GLUD1: variants seen among roughly 807,000 people sequenced by gnomAD.
GLUD1 encodes glutamate dehydrogenase 1, mitochondrial.
GLUD1 carries 22 observed loss-of-function variants against 56.0 expected under a neutral mutation model. The observed-to-expected ratio is 0.39, with a 90% confidence interval of 0.28 to 0.56. GLUD1 has a LOEUF of 0.56. GLUD1 is among the 20% of genes least tolerant of loss of function. GLUD1 has a pLI of 0.58. For missense variants in GLUD1, 451 were observed against 732.0 expected (o/e 0.62, Z 4.43); for synonymous variants, 223 against 269.9 (o/e 0.83, Z 1.70).
At chr10:87,064,856 G>A (rs1846031936) in intron 5 of GLUD1, among the ~76,000 whole-genome samples, 1 of 152,164 alleles carries the variant, frequency 6.6e-6, no homozygotes, top group Admixed American at 6.5e-5. Context: ...GTCAGGCCTG[G>A]CGCCAACTGC....
intron 11 of GLUD1, 74 bp from the exon 12 acceptor site, chr10:87,053,478 G>A (rs1845692074): frequency 3.1e-6 from 3 of 958,894 alleles, no homozygotes; most frequent in East Asian, 2.4e-5. Context: ...GATGACAAAG[G>A]ATTCTCAAGT....
intron 1 of GLUD1, among the ~76,000 whole-genome samples, chr10:87,091,004 A>G (rs1841498355): frequency 6.6e-6 from 1 of 152,152 alleles, no homozygotes; most frequent in Non-Finnish European, 1.5e-5. Context: ...CCCTTGCATT[A>G]TGTCATCAAG....
chr10:87,075,529 C>T (rs1026848437), intron 3 of GLUD1, among the ~76,000 whole-genome samples: 4 of 152,090 alleles, frequency 2.6e-5, no homozygotes, highest in African/African-American at 9.7e-5. Context: ...TTTTTCTATT[C>T]CATTTGAAAA....
chr10:87,084,862 A>G (rs568959344), intron 1 of GLUD1, among the ~76,000 whole-genome samples: 2 of 152,334 alleles, frequency 1.3e-5, no homozygotes, highest in South Asian at 4.1e-4. Flanking sequence ...TTTTCACTTA[A>G]TATTAATGTA....
At chr10:87,063,688 T>C (rs1478485934) in intron 5 of GLUD1, among the ~76,000 whole-genome samples, 1 of 152,202 alleles carries the variant, frequency 6.6e-6, no homozygotes, top group Non-Finnish European at 1.5e-5. Flanking sequence ...TGATACTTAA[T>C]ATAACATGAC....
intron 1 of GLUD1, among the ~76,000 whole-genome samples, chr10:87,087,770 T>C (rs927245804): frequency 2.6e-5 from 4 of 152,160 alleles, no homozygotes; most frequent in African/African-American, 9.7e-5. Flanking sequence ...TATCCAGCCT[T>C]CTCTGTTCCC....
chr10:87,080,301 C>A (rs1841182757), intron 1 of GLUD1, among the ~76,000 whole-genome samples: 3 of 152,114 alleles, frequency 2.0e-5, no homozygotes, highest in Admixed American at 2.0e-4. Context: ...CCTCCACCTC[C>A]CAGCCGCCTG....
intron 4 of GLUD1, among the ~76,000 whole-genome samples, chr10:87,073,247 C>CAA (rs1022810016): frequency 4.2e-4 from 64 of 152,196 alleles, no homozygotes; most frequent in African/African-American, 1.5e-3. Context: ...ACTGCAGCCT[C>CAA]AACCCCCCAG....
intron 1 of GLUD1, chr10:87,089,815 T>TTATTCAAA: frequency 8.4e-6 from 5 of 597,712 alleles, no homozygotes; most frequent in Non-Finnish European, 1.1e-5. Flanking sequence ...ATTGATTCAT[T>TTATTCAAA]TGAATAACTA....
At chr10:87,080,735 C>T (rs1225914764) in intron 1 of GLUD1, among the ~76,000 whole-genome samples, 21 of 150,642 alleles carry the variant, frequency 1.4e-4, no homozygotes, top group Non-Finnish European at 1.2e-4. Context: ...GGAGCCCCTC[C>T]GCCTGGCAGC....
chr10:87,064,855 G>C (rs1846031867), intron 5 of GLUD1, among the ~76,000 whole-genome samples: 1 of 152,184 alleles, frequency 6.6e-6, no homozygotes, highest in Non-Finnish European at 1.5e-5. Context: ...GGTCAGGCCT[G>C]GCGCCAACTG....
chr10:87,094,484 C>A lies in GLUD1; in HGVS notation c.286G>T (p.Glu96Ter). The change falls in exon 1 of 13, where the codon GAG (glutamate) becomes TAG (stop). Residue 96 changes from glutamate to a stop codon, truncating the protein, a stop_gained. Transcript: ENST00000277865. LOFTEE classifies it high-confidence loss of function. The surrounding 1 kb of genome is among the most constrained non-coding windows in gnomAD (Gnocchi z 6.6). ...VEDLRTRESE[E>*]QKRNRVRGIL... ...CCGCGCACCCGGTTCCGCTTCTGCT[C>A]CTCGCTCTCCCGGGTCCTCAGGTCC... 6.2e-7 allele frequency: 1 copy of A among 1,613,632 alleles called. No homozygotes were observed. The highest frequency in any genetic ancestry group is 8.5e-7 in the Non-Finnish European group (1 of 1,179,980).
chr10:87,062,200 G>A (rs1387549645), intron 6 of GLUD1, among the ~76,000 whole-genome samples: 3 of 152,226 alleles, frequency 2.0e-5, no homozygotes, highest in Non-Finnish European at 2.9e-5. Context: ...ATACAGGCAT[G>A]AGCCACTGTG....
intron 12 of GLUD1, among the ~76,000 whole-genome samples, chr10:87,052,309 A>G (rs1845653413): frequency 6.6e-6 from 1 of 152,122 alleles, no homozygotes; most frequent in Admixed American, 6.5e-5. Flanking sequence ...CAATATGGTG[A>G]AACCCCATCT....
intron 1 of GLUD1, among the ~76,000 whole-genome samples, chr10:87,081,507 G>A (rs1052425256): frequency 3.3e-5 from 5 of 152,126 alleles, no homozygotes; most frequent in Admixed American, 2.0e-4. Flanking sequence ...AATAGAAAGC[G>A]GGGAAAGGTG....
At chr10:87,064,904 GAGA>G (rs1243010779) in intron 5 of GLUD1, among the ~76,000 whole-genome samples, 1 of 152,208 alleles carries the variant, frequency 6.6e-6, no homozygotes, top group African/African-American at 2.4e-5. Context: ...TGAAAGCCCA[GAGA>G]AGAATACATT....
chr10:87,087,426 A>C (rs1388888167), intron 1 of GLUD1, among the ~76,000 whole-genome samples: 2 of 152,074 alleles, frequency 1.3e-5, no homozygotes, highest in African/African-American at 2.4e-5. Context: ...CCCCTTTCCA[A>C]TCTCCAGAGG....
chr10:87,094,482 C>A lies in GLUD1; in HGVS notation c.288G>T (p.Glu96Asp). Reference sequence around the variant, plus strand: ...TGCCGCGCACCCGGTTCCGCTTCTGCTCCTCGCTCTCCCGGGTCCTCAGGT... The same window carrying A: ...TGCCGCGCACCCGGTTCCGCTTCTGATCCTCGCTCTCCCGGGTCCTCAGGT... ...VEDLRTRESE[E>D]QKRNRVRGIL... The change falls in exon 1 of 13, where the codon GAG becomes GAT. Residue 96 changes from glutamate to aspartate, a missense_variant. Physicochemically the swap from Glu to Asp is conservative, Grantham distance 45. Transcript: ENST00000277865. This position sits in a 1 kb window ranked among gnomAD's most constrained non-coding sequence, Gnocchi z 6.6. The A allele has an allele frequency of 6.2e-7, 1 of 1,613,660 alleles. No homozygotes were observed. Among genetic ancestry groups the A allele is most frequent in the South Asian group, 1.1e-5 (1 of 91,058 alleles).
chr10:87,055,809 A>G (rs1265943576), intron 11 of GLUD1, among the ~76,000 whole-genome samples: 1 of 152,106 alleles, frequency 6.6e-6, no homozygotes, highest in Admixed American at 6.6e-5. Flanking sequence ...CCATCACTGA[A>G]TATTTCATAA....
Sources: allele counts gnomAD v4.1 joint callset (sites outside exome capture counted in the v4.1 genomes callset), GRCh38; gene constraint gnomAD v4.1.1; non-coding constraint Gnocchi (gnomAD v3.1); transcripts MANE v1.5; gene names NCBI Gene and HGNC (gene_info 2026-07-23, HGNC 2026-07-21).